THSD7B: variants seen among roughly 807,000 people sequenced by gnomAD.
THSD7B encodes thrombospondin type 1 domain containing 7B.
Under a neutral mutation model 213.6 loss-of-function variants are expected in THSD7B, and 138 were observed. The observed-to-expected ratio is 0.65, with a 90% CI of 0.56 to 0.74. The LOEUF (loss-of-function observed/expected upper bound fraction) is 0.74. THSD7B is among the 30% of genes least tolerant of loss of function. THSD7B has a pLI of 0.00. For missense variants in THSD7B, 1,931 were observed against 1,991.5 expected (o/e 0.97, Z 0.58); for synonymous variants, 742 against 687.0 (o/e 1.08, Z -1.25).
At chr2:137,632,459 A>G (rs1368496431) in intron 20 of THSD7B, among the ~76,000 whole-genome samples, 3 of 152,218 alleles carry the variant, frequency 2.0e-5, no homozygotes, top group Admixed American at 6.5e-5. Flanking sequence ...TAGCTCCAAG[A>G]TTTGCAAATT....
chr2:137,213,353 T>C (rs1681164020), intron 7 of THSD7B, among the ~76,000 whole-genome samples: 2 of 123,286 alleles, frequency 1.6e-5, no homozygotes, highest in South Asian at 6.0e-4. Context: ...TAATGTTATA[T>C]ATATTTATAA....
At chr2:137,582,717 A>AT (rs1189684210) in intron 17 of THSD7B, among the ~76,000 whole-genome samples, 2 of 151,912 alleles carry the variant, frequency 1.3e-5, no homozygotes, top group Non-Finnish European at 2.9e-5. Flanking sequence ...TATGTGCCAC[A>AT]TTTTCTTAAT....
intron 15 of THSD7B, among the ~76,000 whole-genome samples, chr2:137,532,915 A>G (rs542725384): frequency 5.3e-5 from 8 of 151,448 alleles, no homozygotes; most frequent in Non-Finnish European, 1.2e-4. Flanking sequence ...GTATACATAT[A>G]TGCATAGATA....
chr2:137,051,424 G>A (rs1003755296), intron 2 of THSD7B, among the ~76,000 whole-genome samples: 8 of 152,178 alleles, frequency 5.3e-5, no homozygotes, highest in African/African-American at 1.9e-4. Flanking sequence ...TGCTATATAA[G>A]AGAGGTGTTA....
intron 1 of THSD7B, among the ~76,000 whole-genome samples, chr2:136,866,784 T>A (rs1418027431): frequency 1.3e-5 from 2 of 152,202 alleles, no homozygotes; most frequent in Non-Finnish European, 2.9e-5. Context: ...GTCTGGAAAG[T>A]ATTTGTTATG....
chr2:137,091,607 G>C (rs758998690), intron 3 of THSD7B, among the ~76,000 whole-genome samples: 1 of 151,668 alleles, frequency 6.6e-6, no homozygotes, highest in Non-Finnish European at 1.5e-5. Flanking sequence ...TTTTCTGAAG[G>C]CTCTCTCCTT....
At chr2:137,371,856 T>C (rs1207280511) in intron 12 of THSD7B, among the ~76,000 whole-genome samples, 1 of 152,156 alleles carries the variant, frequency 6.6e-6, no homozygotes, top group African/African-American at 2.4e-5. Context: ...ATGGTAGAAA[T>C]CTTTCTGTTT....
intron 6 of THSD7B, among the ~76,000 whole-genome samples, chr2:137,164,551 A>G (rs1453957442): frequency 6.6e-6 from 1 of 152,192 alleles, no homozygotes; most frequent in African/African-American, 2.4e-5. Flanking sequence ...AAGGATTATA[A>G]ATCATGCTGC....
At chr2:137,466,089 G>T (rs1397004022) in intron 15 of THSD7B, among the ~76,000 whole-genome samples, 1 of 152,098 alleles carries the variant, frequency 6.6e-6, no homozygotes, top group Non-Finnish European at 1.5e-5. Context: ...TATTATGCAG[G>T]TGGGTAAAAT....
intron 1 of THSD7B, among the ~76,000 whole-genome samples, chr2:136,871,626 C>T (rs1683433628): frequency 6.6e-6 from 1 of 152,112 alleles, no homozygotes; most frequent in Non-Finnish European, 1.5e-5. Context: ...GATGACAAGG[C>T]AGTTCTGAAA....
At chr2:137,077,854 C>G (rs1197579459) in intron 3 of THSD7B, among the ~76,000 whole-genome samples, 2 of 152,014 alleles carry the variant, frequency 1.3e-5, no homozygotes, top group African/African-American at 4.8e-5. Context: ...TCAATGTTGG[C>G]TTTTGTTGCC....
chr2:137,133,308 T>G (rs1250873085), intron 5 of THSD7B, among the ~76,000 whole-genome samples: 1 of 152,178 alleles, frequency 6.6e-6, no homozygotes, highest in African/African-American at 2.4e-5. Flanking sequence ...AGTGGGAATG[T>G]TAATGGGAAT....
intron 7 of THSD7B, among the ~76,000 whole-genome samples, chr2:137,197,632 G>C (rs1166303821): frequency 1.3e-5 from 2 of 152,086 alleles, no homozygotes; most frequent in Admixed American, 6.6e-5. Flanking sequence ...GAAGATGAAT[G>C]GGGGAGGCAT....
At chr2:137,300,689 G>A (rs1010262377) in intron 12 of THSD7B, among the ~76,000 whole-genome samples, 1 of 152,128 alleles carries the variant, frequency 6.6e-6, no homozygotes, top group African/African-American at 2.4e-5. Context: ...TGCTGTAGAG[G>A]AAGGCACATG....
intron 2 of THSD7B, among the ~76,000 whole-genome samples, chr2:136,985,797 C>T (rs577657653): frequency 1.5e-4 from 23 of 152,330 alleles, no homozygotes; most frequent in African/African-American, 4.6e-4. Context: ...AAAGCCACAG[C>T]GTTGGAAAAC....
intron 15 of THSD7B, among the ~76,000 whole-genome samples, chr2:137,505,418 A>T (rs1679811412): frequency 6.6e-6 from 1 of 152,164 alleles, no homozygotes; most frequent in Non-Finnish European, 1.5e-5. Flanking sequence ...TGGTAGGAAC[A>T]CTTAGCTATT....
intron 1 of THSD7B, among the ~76,000 whole-genome samples, chr2:136,877,540 G>T (rs145002518): frequency 1.1e-4 from 16 of 152,300 alleles, no homozygotes; most frequent in Non-Finnish European, 2.1e-4. Flanking sequence ...TTGAAGAAAA[G>T]TTTTGGTTGC....
intron 5 of THSD7B, among the ~76,000 whole-genome samples, chr2:137,119,371 A>C (rs1009281856): frequency 2.6e-5 from 4 of 152,210 alleles, no homozygotes; most frequent in Non-Finnish European, 5.9e-5. Context: ...TTTAGTTGTA[A>C]TAATAATTGA....
At chr2:137,584,315 T>C (rs1038174953) in intron 17 of THSD7B, among the ~76,000 whole-genome samples, 1 of 152,222 alleles carries the variant, frequency 6.6e-6, no homozygotes, top group Non-Finnish European at 1.5e-5. Flanking sequence ...CTTTTCCTAA[T>C]TGAATACCAG....
Sources: allele counts gnomAD v4.1 joint callset (sites outside exome capture counted in the v4.1 genomes callset), GRCh38; gene constraint gnomAD v4.1.1; transcripts MANE v1.5; gene names NCBI Gene and HGNC (gene_info 2026-07-23, HGNC 2026-07-21).